Variants in BDP1 observed in about 807,000 individuals in gnomAD.
BDP1 encodes the protein transcription factor TFIIIB component B'' homolog.
Under a neutral mutation model 266.6 loss-of-function variants are expected in BDP1, and 169 were observed. That is an observed-to-expected ratio of 0.63 (90% CI 0.56 to 0.72). The LOEUF (loss-of-function observed/expected upper bound fraction) is 0.72. BDP1 is among the 30% of genes least tolerant of loss of function. The pLI, the probability that BDP1 is intolerant of heterozygous loss-of-function variation, is 0.00. For synonymous variants in BDP1, 1,090 were observed against 1,022.4 expected, an observed-to-expected ratio of 1.07 and a Z score of -1.26; for missense variants, 3,015 against 3,053.8, an observed-to-expected ratio of 0.99 and a Z score of 0.30.
chr5:71,542,526 C>T (rs898581683), intron 30 of BDP1, among the ~76,000 whole-genome samples: 2 of 152,070 alleles, frequency 1.3e-5, no homozygotes, highest in African/African-American at 4.8e-5. Flanking sequence ...CATTCTCTCT[C>T]TCTCATAGTT....
At chr5:71,554,925 A>T (rs1019396744) in intron 35 of BDP1, among the ~76,000 whole-genome samples, 1 of 152,196 alleles carries the variant, frequency 6.6e-6, no homozygotes, top group African/African-American at 2.4e-5. Context: ...CTGAAAAGCC[A>T]AAATCTGAAA....
chr5:71,491,910 G>C (rs1281527814), intron 11 of BDP1, among the ~76,000 whole-genome samples: 1 of 152,092 alleles, frequency 6.6e-6, no homozygotes, highest in Non-Finnish European at 1.5e-5. Flanking sequence ...GTAGAGACAG[G>C]GTTTCACCAT....
chr5:71,522,537 T>G, intron 23 of BDP1, 47 bp downstream of exon 23: 1 of 1,473,482 alleles, frequency 6.8e-7, no homozygotes, highest in Non-Finnish European at 9.2e-7. Context: ...CTCAATGAGG[T>G]CTGTTTTGTC....
intron 5 of BDP1, among the ~76,000 whole-genome samples, chr5:71,466,525 A>C (rs1320568227): frequency 1.3e-5 from 2 of 152,126 alleles, no homozygotes; most frequent in African/African-American, 4.8e-5. Context: ...ACTGAGGATA[A>C]ATTTCTAAGA....
intron 7 of BDP1, among the ~76,000 whole-genome samples, chr5:71,482,210 C>G (rs1486220614): frequency 1.3e-5 from 2 of 152,192 alleles, no homozygotes; most frequent in African/African-American, 2.4e-5. Context: ...TACCCCTCTA[C>G]ACAGTTCCTT....
In BDP1 at chr5:71,515,021, T is replaced by C. The variant is rs1765148596; in HGVS notation, c.4548T>C (p.Cys1516=). The C allele has an allele frequency of 1.2e-6, 2 of 1,613,056 alleles. No individual in the cohort carries two copies. Among genetic ancestry groups the C allele is most frequent in the African/African-American group, 1.3e-5 (1 of 74,866 alleles). ...HRNEEAVILP[C]TQTERNLSPS... is the part of the protein sequence containing the mutation. ...ATGAGGAGGCTGTGATATTGCCATG[T>C]ACACAGACTGAAAGGAACCTTTCAC... Residue 1516 remains cysteine, a synonymous_variant, in exon 20 of 39, where the codon TGT becomes TGC. Coordinates refer to ENST00000358731, the MANE Select transcript of BDP1 (RefSeq NM_018429.3).
chr5:71,465,775 G>A (rs910190312), intron 4 of BDP1, among the ~76,000 whole-genome samples: 4 of 152,148 alleles, frequency 2.6e-5, no homozygotes, highest in Admixed American at 1.3e-4. Context: ...CAGCTACTGG[G>A]GAGGCTGAGG....
intron 34 of BDP1, among the ~76,000 whole-genome samples, chr5:71,551,189 A>T (rs922576072): frequency 6.6e-6 from 1 of 151,976 alleles, no homozygotes; most frequent in Non-Finnish European, 1.5e-5. Context: ...ATAGGACAAT[A>T]GTGGAGGGAA....
At chr5:71,532,206 C>T in intron 25 of BDP1, 102 bp from the exon 26 acceptor site, 4 of 986,286 alleles carry the variant, frequency 4.1e-6, no homozygotes, top group Non-Finnish European at 5.9e-6. Context: ...TGGATTATTT[C>T]TTCATTTTAG....
chr5:71,557,375 ATTTTTTTT>A (rs55810132), intron 36 of BDP1, among the ~76,000 whole-genome samples: 15 of 103,350 alleles, frequency 1.5e-4, no homozygotes, highest in Non-Finnish European at 2.5e-4. Flanking sequence ...TGCCAAGCTA[ATTTTTTTT>A]TTTTTTTTTT....
chr5:71,551,071 ATTTAT>A (rs1335713950), intron 34 of BDP1, among the ~76,000 whole-genome samples: 10 of 150,104 alleles, frequency 6.7e-5, no homozygotes, highest in Non-Finnish European at 5.9e-5. Flanking sequence ...AAATATTCAG[ATTTAT>A]TTTATTATTA....
At chr5:71,480,341 G>A (rs1182539874) in intron 7 of BDP1, among the ~76,000 whole-genome samples, 1 of 132,424 alleles carries the variant, frequency 7.6e-6, no homozygotes, top group Non-Finnish European at 1.6e-5. Context: ...TCACCATGTT[G>A]GCCAGGATGG....
At chr5:71,464,915 T>C (rs945621642) in intron 4 of BDP1, among the ~76,000 whole-genome samples, 1 of 151,524 alleles carries the variant, frequency 6.6e-6, no homozygotes, top group Non-Finnish European at 1.5e-5. Flanking sequence ...GACGGGGTTT[T>C]ACCACGTTGG....
In BDP1 at chr5:71,523,339, A is replaced by G. The variant is rs555684922; in HGVS notation, c.5387+390A>G. On this transcript the variant is annotated intron_variant, in intron 24 of 38. Coordinates refer to ENST00000358731, the MANE Select transcript of BDP1 (RefSeq NM_018429.3). ...CTGTGTCTTTTTTTGTTTTTGAGAC[A>G]GTTTCACTCTTCTCGCGCAGGCTGG... Among the ~76,000 whole-genome samples the G allele has an allele frequency of 3.3e-5, 5 of 152,252 alleles. No homozygotes were observed. The South Asian group carries it at 1.0e-3, about 32-fold the overall frequency.
At chr5:71,551,586 C>T (rs1742763241) in intron 34 of BDP1, among the ~76,000 whole-genome samples, 1 of 152,240 alleles carries the variant, frequency 6.6e-6, no homozygotes, top group Admixed American at 6.5e-5. Flanking sequence ...TCCACAAAAC[C>T]GCCACGTCAT....
chr5:71,467,412 A>C lies in BDP1; in HGVS notation c.844A>C (p.Ile282Leu). 6.2e-7 allele frequency: 1 copy of C among 1,611,196 alleles called. No homozygotes were observed. Among genetic ancestry groups the C allele is most frequent in the Non-Finnish European group, 8.5e-7 (1 of 1,177,420 alleles). The change falls in exon 6 of 39, where the codon ATA becomes CTA. Residue 282 changes from isoleucine (I) to leucine (L), a missense_variant. Around this residue, in one of 3 missense-constraint regions of BDP1, gnomAD observed 2,383 missense variants for 2,404.9 expected, o/e 0.99. Coordinates refer to ENST00000358731, the MANE Select transcript of BDP1 (RefSeq NM_018429.3). ...GPCVVEENDP[I>L]FERGSTTTYS... is the part of the protein sequence containing the mutation. ...TTGTGTTGTTGAAGAAAATGACCCCATATTTGAGCGCGGTTCTACAACTAC... is the reference window on the plus strand; with the variant it reads ...TTGTGTTGTTGAAGAAAATGACCCCCTATTTGAGCGCGGTTCTACAACTAC...
chr5:71,552,040 G>A (rs1164231325), intron 34 of BDP1, among the ~76,000 whole-genome samples: 10 of 148,676 alleles, frequency 6.7e-5, no homozygotes, highest in South Asian at 2.2e-4. Context: ...GCTGCCGGGC[G>A]GAGACGCTCC....
intron 38 of BDP1, among the ~76,000 whole-genome samples, chr5:71,563,985 A>G (rs187525685): frequency 9.8e-5 from 15 of 152,374 alleles, no homozygotes; most frequent in Non-Finnish European, 2.1e-4. Context: ...TTTTTATAGT[A>G]GAGTTTTTTA....
At chr5:71,509,062 T>G (rs1440403881) in intron 16 of BDP1, among the ~76,000 whole-genome samples, 1 of 152,168 alleles carries the variant, frequency 6.6e-6, no homozygotes, top group Non-Finnish European at 1.5e-5. Flanking sequence ...AGGTCTATTA[T>G]GGCAAACCAT....
Sources: gnomAD v4.1 joint callset for allele counts (sites outside exome capture counted in the v4.1 genomes callset) on GRCh38, gnomAD v4.1.1 for gene constraint, gnomAD v4.1.1 regional missense constraint, MANE v1.5 for transcripts, NCBI Gene and HGNC (gene_info 2026-07-23, HGNC 2026-07-21) for gene names.